The following GSDMC variants were observed in gnomAD, a reference collection of about 807,000 sequenced individuals.
GSDMC encodes the protein gasdermin-C.
Under a neutral mutation model 58.0 loss-of-function variants are expected in GSDMC, and 59 were observed. The ratio of observed to expected loss-of-function variants is 1.02; its 90% CI spans 0.82 to 1.26. GSDMC has a LOEUF of 1.26. GSDMC is among the 50% of genes most tolerant of loss of function. The pLI, the probability that GSDMC is intolerant of heterozygous loss-of-function variation, is 0.00. For missense variants in GSDMC, 659 were observed against 598.5 expected (o/e 1.10, Z -1.06); for synonymous variants, 241 against 220.2 (o/e 1.09, Z -0.83).
intron 1 of GSDMC, among the ~76,000 whole-genome samples, chr8:129,784,543 G>A (rs184754346): frequency 3.1e-4 from 47 of 152,232 alleles, no homozygotes; most frequent in Admixed American, 7.8e-4. Context: ...ACTACAATGA[G>A]ATATCATCTC....
At chr8:129,750,996 G>A (rs2033166918) in intron 10 of GSDMC, among the ~76,000 whole-genome samples, 1 of 152,176 alleles carries the variant, frequency 6.6e-6, no homozygotes, top group African/African-American at 2.4e-5. Flanking sequence ...TGTAGGCCAA[G>A]CATGATTGCT....
intron 6 of GSDMC, among the ~76,000 whole-genome samples, chr8:129,758,065 C>T (rs2033511401): frequency 6.6e-6 from 1 of 152,120 alleles, no homozygotes; most frequent in Admixed American, 6.5e-5. Flanking sequence ...GTTCAACATA[C>T]ACAAATCAAT....
chr8:129,722,003 C>T, the GSDMC span, among the ~76,000 whole-genome samples: 1 of 152,126 alleles, frequency 6.6e-6, no homozygotes, highest in East Asian at 1.9e-4. Flanking sequence ...AGAGCTACTA[C>T]CCTAAACTGA....
chr8:129,774,468 A>T (rs955785112), intron 3 of GSDMC, among the ~76,000 whole-genome samples: 1 of 151,940 alleles, frequency 6.6e-6, no homozygotes, highest in South Asian at 2.1e-4. Flanking sequence ...ACAGGGGGAA[A>T]GTTCCTCAAG....
chr8:129,777,660 G>T, intron 1 of GSDMC, 69 bp from the exon 2 acceptor site: 1 of 808,686 alleles, frequency 1.2e-6, no homozygotes, highest in South Asian at 1.4e-5. Flanking sequence ...ACCAATTATT[G>T]ATATTTCCCC....
chr8:129,754,472 C>G (rs1259176914), intron 6 of GSDMC, among the ~76,000 whole-genome samples: 1 of 152,110 alleles, frequency 6.6e-6, no homozygotes, highest in East Asian at 1.9e-4. Flanking sequence ...CTTTGAATAC[C>G]TGGAAAGCCT....
the GSDMC span, among the ~76,000 whole-genome samples, chr8:129,739,608 G>T: frequency 6.6e-6 from 1 of 152,146 alleles, no homozygotes; most frequent in Non-Finnish European, 1.5e-5. Flanking sequence ...GCCTGCTGAC[G>T]TTGTAGCTGT....
At chr8:129,717,097 G>T in the GSDMC span, among the ~76,000 whole-genome samples, 1 of 152,082 alleles carries the variant, frequency 6.6e-6, no homozygotes, top group Non-Finnish European at 1.5e-5. Context: ...TTGTGTCTCT[G>T]CCAGGTTTTG....
At chr8:129,708,908 C>T in the GSDMC span, among the ~76,000 whole-genome samples, 6 of 152,374 alleles carry the variant, frequency 3.9e-5, no homozygotes, top group South Asian at 1.2e-3. Flanking sequence ...GCTGAGTGTC[C>T]TTGGCTAGGT....
At chr8:129,750,272 C>G (rs1253342538) in intron 11 of GSDMC, among the ~76,000 whole-genome samples, 153 bp from the exon 12 acceptor site, 2 of 152,224 alleles carry the variant, frequency 1.3e-5, no homozygotes, top group Non-Finnish European at 2.9e-5. Context: ...GGGGGCGACA[C>G]TTCCCTGGCC....
chr8:129,757,772 C>T (rs939463787), intron 6 of GSDMC, among the ~76,000 whole-genome samples: 4 of 152,102 alleles, frequency 2.6e-5, no homozygotes, highest in African/African-American at 4.8e-5. Flanking sequence ...GGCTAGATTA[C>T]TTGAGCTCAG....
At chr8:129,763,192 G>A (rs1345067353) in intron 4 of GSDMC, among the ~76,000 whole-genome samples, 5 of 152,134 alleles carry the variant, frequency 3.3e-5, no homozygotes, top group Non-Finnish European at 7.4e-5. Flanking sequence ...CAGAGGAGAT[G>A]GGGGACACAT....
At chr8:129,711,641 A>G in the GSDMC span, among the ~76,000 whole-genome samples, 1 of 152,220 alleles carries the variant, frequency 6.6e-6, no homozygotes, top group Admixed American at 6.5e-5. Flanking sequence ...GGGCACAATG[A>G]GATACAAAAG....
chr8:129,770,235 C>T (rs2034003677), intron 3 of GSDMC, among the ~76,000 whole-genome samples: 1 of 152,102 alleles, frequency 6.6e-6, no homozygotes, highest in Non-Finnish European at 1.5e-5. Flanking sequence ...AGACTCATGC[C>T]TATAATCTCA....
At chr8:129,752,670 G>A in intron 7 of GSDMC, 28 bp downstream of exon 7, 1 of 1,612,888 alleles carries the variant, frequency 6.2e-7, no homozygotes, top group Non-Finnish European at 8.5e-7. Flanking sequence ...CAACATAGAA[G>A]TAAAAATAAA....
chr8:129,713,592 C>A, the GSDMC span, among the ~76,000 whole-genome samples: 2 of 152,150 alleles, frequency 1.3e-5, no homozygotes, highest in African/African-American at 4.8e-5. Flanking sequence ...ACCCAGACAG[C>A]TCCGGACAGA....
chr8:129,750,154 C>A, intron 11 of GSDMC, 35 bp from the exon 12 acceptor site: 1 of 1,458,820 alleles, frequency 6.9e-7, no homozygotes, highest in Non-Finnish European at 9.2e-7. Context: ...AATAATAATA[C>A]TAATAACAGT....
chr8:129,773,019 AT>A (rs1440403474), intron 3 of GSDMC, among the ~76,000 whole-genome samples: 1 of 152,220 alleles, frequency 6.6e-6, no homozygotes, highest in African/African-American at 2.4e-5. Flanking sequence ...CAAAAACCAT[AT>A]GTTCATCTCA....
At chr8:129,783,743 C>A (rs2034480010) in intron 1 of GSDMC, among the ~76,000 whole-genome samples, 1 of 151,976 alleles carries the variant, frequency 6.6e-6, no homozygotes, top group Non-Finnish European at 1.5e-5. Context: ...AAAAACAATC[C>A]TAAAATTTAT....
Sources: gnomAD v4.1 joint callset for allele counts (sites outside exome capture counted in the v4.1 genomes callset) on GRCh38, gnomAD v4.1.1 for gene constraint, MANE v1.5 for transcripts, NCBI Gene and HGNC (gene_info 2026-07-23, HGNC 2026-07-21) for gene names.